EPB41: variants seen among roughly 807,000 people sequenced by gnomAD.
EPB41 encodes the protein erythrocyte membrane protein band 4.1, also known as protein 4.1.
EPB41 carries 65 observed loss-of-function variants against 108.0 expected under a neutral mutation model. The ratio of observed to expected loss-of-function variants is 0.60; its 90% CI spans 0.49 to 0.74. The LOEUF (loss-of-function observed/expected upper bound fraction) is 0.74, where lower values mean the gene tolerates loss of function less well. Ranked by LOEUF, EPB41 falls within the 30% of genes least tolerant of loss-of-function variation. The pLI is 0.00. For synonymous variants in EPB41, 336 were observed against 358.9 expected (o/e 0.94, Z 0.72); for missense variants, 875 against 1,037.0 (o/e 0.84, Z 2.15).
intron 7 of EPB41, among the ~76,000 whole-genome samples, chr1:29,020,218 C>A (rs964843980): frequency 6.6e-6 from 1 of 151,970 alleles, no homozygotes; most frequent in African/African-American, 2.4e-5. Flanking sequence ...CAGGCGCCCA[C>A]CAACACACCT....
intron 16 of EPB41, chr1:29,070,574 G>T: frequency 8.1e-7 from 1 of 1,231,964 alleles, no homozygotes. Context: ...GTCTTTTCTC[G>T]TGATCCTTGT....
chr1:29,100,072 C>G (rs1284843252), intron 17 of EPB41, among the ~76,000 whole-genome samples: 4 of 152,128 alleles, frequency 2.6e-5, no homozygotes, highest in Non-Finnish European at 4.4e-5. Context: ...ATGTGAAGTT[C>G]TGGCTAGGTG....
At chr1:29,045,520 A>AT (rs757532981) in intron 11 of EPB41, among the ~76,000 whole-genome samples, 164 of 137,206 alleles carry the variant, frequency 1.2e-3, no homozygotes, top group South Asian at 7.2e-3. Context: ...TGCCCAGCTA[A>AT]TTTTTTTTTT....
Position 29,037,717 on chromosome 1 carries a change from A to G in EPB41, c.1464-1537A>G, listed in dbSNP as rs143932589. 2.1e-3 allele frequency among the ~76,000 whole-genome samples: 311 copies of G among 151,648 alleles called. 2 individuals carry two copies. Among genetic ancestry groups the G allele is most frequent in the African/African-American group, 6.9e-3 (285 of 41,350 alleles). On this transcript the variant is annotated intron_variant, in intron 10 of 20. Transcript: ENST00000343067. ...ATGCCCAGCTAATTTTTAAATTTTT[A>G]GTAGAGACCGGGTTTCACCATATTG...
At chr1:28,891,203 G>C (rs907303614) in intron 1 of EPB41, among the ~76,000 whole-genome samples, 3 of 152,252 alleles carry the variant, frequency 2.0e-5, no homozygotes, top group African/African-American at 4.8e-5. Context: ...AATGAGTGTA[G>C]ACACTCCTTG....
intron 11 of EPB41, 107 bp downstream of exon 11, chr1:29,039,533 C>T (rs1035923339): frequency 6.9e-7 from 1 of 1,440,130 alleles, no homozygotes; most frequent in African/African-American, 1.4e-5. Flanking sequence ...CAGGGTTGGG[C>T]CTGGTGCAGT....
intron 8 of EPB41, among the ~76,000 whole-genome samples, chr1:29,031,106 GC>G (rs986628309): frequency 2.6e-5 from 4 of 152,152 alleles, no homozygotes; most frequent in African/African-American, 7.2e-5. Flanking sequence ...ACCGTGCCCG[GC>G]CTCTTGTTAG....
At chr1:28,944,176 A>G (rs1013196353) in intron 1 of EPB41, among the ~76,000 whole-genome samples, 6 of 152,168 alleles carry the variant, frequency 3.9e-5, no homozygotes, top group Admixed American at 2.6e-4. Context: ...GAACTCACGG[A>G]CAGAGAGAGA....
At chr1:28,928,159 A>C in intron 1 of EPB41, among the ~76,000 whole-genome samples, 1 of 151,988 alleles carries the variant, frequency 6.6e-6, no homozygotes, top group Non-Finnish European at 1.5e-5. Context: ...GAGATAAAAC[A>C]CACACCTCTG....
chr1:29,083,702 C>G (rs553695426), intron 16 of EPB41, among the ~76,000 whole-genome samples: 4 of 152,180 alleles, frequency 2.6e-5, no homozygotes, highest in East Asian at 3.9e-4. Flanking sequence ...TAGGGAAATG[C>G]TGATATAATT....
At chr1:29,092,582 C>T (rs535183522) in intron 16 of EPB41, among the ~76,000 whole-genome samples, 11 of 152,178 alleles carry the variant, frequency 7.2e-5, no homozygotes, top group South Asian at 2.1e-4. Flanking sequence ...TTTAGGTACA[C>T]GCGCAGGTTT....
chr1:28,909,843 G>C (rs1198100007), upstream of EPB41, among the ~76,000 whole-genome samples: 1 of 151,932 alleles, frequency 6.6e-6, no homozygotes, highest in Non-Finnish European at 1.5e-5. Context: ...GTATACATAA[G>C]GGTGGGTGTG....
intron 1 of EPB41, among the ~76,000 whole-genome samples, chr1:28,958,564 C>T (rs886302590): frequency 2.0e-5 from 3 of 151,982 alleles, no homozygotes; most frequent in African/African-American, 7.2e-5. Flanking sequence ...GTAATCCCAG[C>T]ACTTTGGGAG....
At chr1:29,001,391 G>C (rs112644993) in intron 4 of EPB41, among the ~76,000 whole-genome samples, 63 of 152,254 alleles carry the variant, frequency 4.1e-4, no homozygotes, top group African/African-American at 1.4e-3. Context: ...ATCACAGTCT[G>C]TTTTATATAC....
At chr1:28,901,964 G>A (rs187297387) in intron 1 of EPB41, among the ~76,000 whole-genome samples, 62 of 152,130 alleles carry the variant, frequency 4.1e-4, no homozygotes, top group African/African-American at 1.3e-3. Context: ...GTCTCTCCTC[G>A]CATTGGAATG....
At chr1:29,008,871 C>T (rs755584131) in intron 4 of EPB41, among the ~76,000 whole-genome samples, 9 of 152,146 alleles carry the variant, frequency 5.9e-5, no homozygotes, top group East Asian at 3.8e-4. Flanking sequence ...CTAATTATTT[C>T]GTTTTCTTCT....
chr1:28,981,394 C>T (rs2095742189), intron 1 of EPB41, among the ~76,000 whole-genome samples: 1 of 151,372 alleles, frequency 6.6e-6, no homozygotes, highest in East Asian at 1.9e-4. Flanking sequence ...TGAATGTATT[C>T]TCTGAGGAGA....
rs185809055 is a variant in EPB41, at chr1:28,932,343, G to A, written c.-8+17575G>A. On this transcript the variant is annotated intron_variant, in intron 1 of 20. Coordinates refer to ENST00000343067, the MANE Select transcript of EPB41 (RefSeq NM_001376013.1). The stretch of plus-strand genomic sequence containing the variant: ...TCGCCATGTTGGCCAGGCTGATCTC[G>A]AACTCTTGACCTCAGGTGATCCACT... Among the ~76,000 whole-genome samples the A allele has an allele frequency of 9.2e-5, 14 of 151,952 alleles. 1 individual carries two copies. Among genetic ancestry groups the A allele is most frequent in the Admixed American group, 8.5e-4 (13 of 15,258 alleles).
intron 6 of EPB41, among the ~76,000 whole-genome samples, chr1:29,017,800 A>G (rs1012813607): frequency 6.6e-6 from 1 of 152,148 alleles, no homozygotes; most frequent in Non-Finnish European, 1.5e-5. Context: ...TTCCTCATCT[A>G]TAATCTGGCA....
Sources: gnomAD v4.1 joint callset for allele counts (sites outside exome capture counted in the v4.1 genomes callset) on GRCh38, gnomAD v4.1.1 for gene constraint, MANE v1.5 for transcripts, NCBI Gene and HGNC (gene_info 2026-07-23, HGNC 2026-07-21) for gene names.